TPRG1: variants seen among roughly 807,000 people sequenced by gnomAD.
The protein encoded by TPRG1 is tumor protein p63-regulated gene 1 protein.
In TPRG1, 29 loss-of-function variants were observed where a neutral mutation model predicts 29.3. That is an observed-to-expected ratio of 0.99 (90% CI 0.74 to 1.35). The LOEUF (loss-of-function observed/expected upper bound fraction) is 1.35. Among genes scored for constraint, TPRG1 ranks in the 40% most tolerant of loss-of-function variants. The probability of loss-of-function intolerance (pLI) is 0.00; values close to 1 mark genes in which losing one functional copy is unlikely to be tolerated. For synonymous variants in TPRG1, 130 were observed against 116.8 expected (o/e 1.11, Z -0.73); for missense variants, 327 against 335.0 (o/e 0.98, Z 0.19).
chr3:189,090,075 A>C (rs1272260480), intron 4 of TPRG1, among the ~76,000 whole-genome samples: 2 of 152,030 alleles, frequency 1.3e-5, no homozygotes, highest in African/African-American at 4.8e-5. Flanking sequence ...TAGTATTTTA[A>C]ATTGAATTCA....
At chr3:189,029,761 C>T (rs1310106734) in intron 4 of TPRG1, among the ~76,000 whole-genome samples, 1 of 152,154 alleles carries the variant, frequency 6.6e-6, no homozygotes, top group Non-Finnish European at 1.5e-5. Flanking sequence ...GTGCCATCCC[C>T]TGGATAATGA....
chr3:189,173,265 A>ACCACAAAT (rs1339235402), intron 1 of TPRG1, among the ~76,000 whole-genome samples: 2 of 151,764 alleles, frequency 1.3e-5, no homozygotes, highest in Non-Finnish European at 2.9e-5. Context: ...CCTTGGGGCC[A>ACCACAAAT]CCACAAATGC....
At chr3:189,239,106 A>G in intron 4 of TPRG1, 197 bp downstream of exon 4, 1 of 498,496 alleles carries the variant, frequency 2.0e-6, no homozygotes, top group Non-Finnish European at 3.5e-6. Flanking sequence ...TAAATATATT[A>G]GTTCGTTTTC....
At chr3:189,074,762 C>T (rs1352603617) in intron 4 of TPRG1, among the ~76,000 whole-genome samples, 4 of 151,752 alleles carry the variant, frequency 2.6e-5, no homozygotes, top group Non-Finnish European at 4.4e-5. Flanking sequence ...GTTATTTCAT[C>T]ATTTATCACT....
chr3:189,150,473 G>A (rs899735267), intron 4 of TPRG1, among the ~76,000 whole-genome samples: 3 of 152,126 alleles, frequency 2.0e-5, no homozygotes, highest in African/African-American at 4.8e-5. Context: ...GAGCCACCGC[G>A]CCGAGATCTT....
intron 4 of TPRG1, among the ~76,000 whole-genome samples, chr3:189,279,453 G>T (rs1716729392): frequency 6.6e-6 from 1 of 152,144 alleles, no homozygotes; most frequent in Admixed American, 6.6e-5. Flanking sequence ...ATTGTCTTTG[G>T]AGTCAGGTGG....
intron 3 of TPRG1, among the ~76,000 whole-genome samples, chr3:189,229,770 G>C (rs1469347211): frequency 2.6e-5 from 4 of 152,100 alleles, no homozygotes; most frequent in African/African-American, 9.7e-5. Context: ...TGTAGTTCCT[G>C]CTCTTAGATT....
chr3:189,222,702 T>C (rs1737124774), intron 3 of TPRG1, among the ~76,000 whole-genome samples: 1 of 152,226 alleles, frequency 6.6e-6, no homozygotes, highest in Non-Finnish European at 1.5e-5. Flanking sequence ...CGGTGGGTTC[T>C]CACTGCTTCC....
chr3:189,131,148 G>T (rs563777644), intron 2 of TPRG1, among the ~76,000 whole-genome samples: 1 of 152,046 alleles, frequency 6.6e-6, no homozygotes, highest in Non-Finnish European at 1.5e-5. Context: ...GTTTTAAATC[G>T]GAGCAGCGAT....
At position 189,219,326 on chromosome 3, in the gene TPRG1, T is replaced by C. The variant is rs563917821; in HGVS notation, c.302+3943T>C. ...TAAACAGAGAGTCCAAGAGGGGCAC[T>C]GGAGAGAAGCAGCCCTAAACCTCAG... On this transcript the variant is annotated intron_variant, in intron 3 of 5. Coordinates refer to ENST00000345063, the MANE Select transcript of TPRG1 (RefSeq NM_198485.4). Among the ~76,000 whole-genome samples the C allele has an allele frequency of 3.3e-5, 5 of 152,224 alleles. No individual in the cohort carries two copies. In the South Asian group the frequency reaches 1.0e-3, roughly 32 times the overall value.
chr3:189,146,276 A>G (rs1725251433), intron 3 of TPRG1, among the ~76,000 whole-genome samples: 1 of 152,190 alleles, frequency 6.6e-6, no homozygotes, highest in Non-Finnish European at 1.5e-5. Context: ...TGGTGGCCAA[A>G]GGATAAAGAT....
chr3:189,304,484 T>A (rs910867713), intron 4 of TPRG1, among the ~76,000 whole-genome samples: 1 of 152,160 alleles, frequency 6.6e-6, no homozygotes, highest in Non-Finnish European at 1.5e-5. Context: ...TTAATCTCAC[T>A]GAGCTAAAGG....
At chr3:189,265,417 C>G (rs976067882) in intron 4 of TPRG1, among the ~76,000 whole-genome samples, 3 of 152,136 alleles carry the variant, frequency 2.0e-5, no homozygotes, top group Non-Finnish European at 2.9e-5. Context: ...ACATGACAAT[C>G]CTGTAAATTC....
chr3:189,063,000 A>T (rs909032713), intron 4 of TPRG1, among the ~76,000 whole-genome samples: 2 of 152,080 alleles, frequency 1.3e-5, no homozygotes, highest in Admixed American at 6.6e-5. Flanking sequence ...AGACCCAATG[A>T]TATACTGATT....
intron 4 of TPRG1, among the ~76,000 whole-genome samples, chr3:189,089,484 A>G (rs1405258345): frequency 6.6e-6 from 1 of 152,194 alleles, no homozygotes; most frequent in Non-Finnish European, 1.5e-5. Flanking sequence ...ACTGCTTATC[A>G]TGAAATATCT....
chr3:189,213,440 A>T (rs1056045871), intron 2 of TPRG1, among the ~76,000 whole-genome samples: 1 of 152,198 alleles, frequency 6.6e-6, no homozygotes, highest in African/African-American at 2.4e-5. Context: ...GGGAGAGTAC[A>T]ATTCTGTATC....
intron 4 of TPRG1, among the ~76,000 whole-genome samples, chr3:189,081,240 A>G (rs758604434): frequency 6.6e-6 from 1 of 152,162 alleles, no homozygotes; most frequent in Non-Finnish European, 1.5e-5. Context: ...TCAGTAGGCC[A>G]TGAGAATGAA....
intron 1 of TPRG1, among the ~76,000 whole-genome samples, chr3:189,101,741 C>G (rs1054449386): frequency 3.3e-5 from 5 of 151,582 alleles, no homozygotes; most frequent in African/African-American, 1.2e-4. Flanking sequence ...CAAACTTCTC[C>G]AACCTAACAT....
intron 3 of TPRG1, among the ~76,000 whole-genome samples, chr3:189,016,468 T>A (rs1167190700): frequency 6.6e-6 from 1 of 152,062 alleles, no homozygotes; most frequent in Non-Finnish European, 1.5e-5. Flanking sequence ...AATGTTGGAA[T>A]CAGTTAAGAC....
Sources: gnomAD v4.1 joint callset for allele counts (sites outside exome capture counted in the v4.1 genomes callset) on GRCh38, gnomAD v4.1.1 for gene constraint, MANE v1.5 for transcripts, NCBI Gene and HGNC (gene_info 2026-07-23, HGNC 2026-07-21) for gene names.